ELFN1: variants seen among roughly 807,000 people sequenced by gnomAD.
The protein encoded by ELFN1 is protein ELFN1.
ELFN1 carries 6 observed loss-of-function variants against 7.6 expected under a neutral mutation model. The observed-to-expected ratio is 0.79, with a 90% CI of 0.43 to 1.56. The LOEUF (loss-of-function observed/expected upper bound fraction) is 1.56, where lower values mean the gene tolerates loss of function less well. ELFN1 is among the 40% of genes most tolerant of loss of function. ELFN1 has a pLI of 0.01. For missense variants in ELFN1, 1,169 were observed against 1,232.2 expected (o/e 0.95, Z 0.77); for synonymous variants, 657 against 588.1 (o/e 1.12, Z -1.70).
Position 1,745,314 on chromosome 7 carries a change from C to T in ELFN1, c.718C>T (p.Arg240Cys), listed in dbSNP as rs1319328325. 17 of 1,539,020 alleles carry T rather than the reference C, an allele frequency of 1.1e-5. No individual in the cohort carries two copies. The highest frequency in any genetic ancestry group is 7.0e-6 in the Non-Finnish European group (8 of 1,146,780). Residue 240 changes from arginine to cysteine, a missense_variant, in exon 4 of 4, where the codon CGC (arginine) becomes TGC (cysteine). Physicochemically the swap from Arg to Cys is radical, Grantham distance 180. Transcript: ENST00000424383. ...YLLGQGRRGH[R>C]SILSKLQSVC... ...CCTGGGCCAGGGCCGCCGCGGCCAC[C>T]GCAGCATCCTCAGCAAACTGCAGTC...
chr7:1,705,211 G>A lies in ELFN1; in HGVS notation c.-455-3880G>A, dbSNP rs901151204. 6.6e-6 allele frequency among the ~76,000 whole-genome samples: 1 copy of A among 152,154 alleles called. No homozygotes were observed. The highest frequency in any genetic ancestry group is 2.4e-5 in the African/African-American group (1 of 41,440). ...GTGCAGGGTGGCAGGGACCCTGGGC[G>A]GGGCGGCACAGCTGTGCGGGAGGCT... On this transcript the variant is annotated intron_variant, in intron 2 of 3. Coordinates refer to ENST00000424383, the MANE Select transcript of ELFN1 (RefSeq NM_001128636.4). This position sits in a 1 kb window ranked among gnomAD's most constrained non-coding sequence, Gnocchi z 4.3.
intron 3 of ELFN1, among the ~76,000 whole-genome samples, chr7:1,724,646 G>C (rs1780130596): frequency 6.6e-6 from 1 of 152,154 alleles, no homozygotes; most frequent in Admixed American, 6.5e-5. Flanking sequence ...CCCTTTGAGG[G>C]ACTCAAGCAT....
At chr7:1,666,117 C>T (rs539026616), upstream of ELFN1, among the ~76,000 whole-genome samples, 113 of 152,108 alleles carry the variant, frequency 7.4e-4, 2 homozygotes, top group East Asian at 0.021. This position sits in a 1 kb window ranked among gnomAD's most constrained non-coding sequence, Gnocchi z 7.9. Flanking sequence ...GGGGTGCGCG[C>T]GCTCTGCTCG....
At chr7:1,713,757 G>A (rs903857763) in intron 3 of ELFN1, among the ~76,000 whole-genome samples, 2 of 152,168 alleles carry the variant, frequency 1.3e-5, no homozygotes, top group African/African-American at 4.8e-5. Flanking sequence ...GGGGAGGGGG[G>A]GGCGATGTCC....
At chr7:1,684,715 A>C (rs1779034475) in intron 1 of ELFN1, among the ~76,000 whole-genome samples, 1 of 152,172 alleles carries the variant, frequency 6.6e-6, no homozygotes, top group African/African-American at 2.4e-5. Context: ...ATTATGGTAA[A>C]ATATAGAAAC....
intron 3 of ELFN1, among the ~76,000 whole-genome samples, chr7:1,716,721 C>T (rs1779843781): frequency 6.6e-6 from 1 of 152,226 alleles, no homozygotes; most frequent in Admixed American, 6.5e-5. Flanking sequence ...GGACTGCAGC[C>T]GCACTCCCCC....
intron 3 of ELFN1, among the ~76,000 whole-genome samples, chr7:1,737,380 G>A (rs901218976): frequency 1.3e-5 from 2 of 152,132 alleles, no homozygotes; most frequent in African/African-American, 4.8e-5. Context: ...CCTGCTCCGG[G>A]TCTCGGGGGC....
At chr7:1,706,774 G>A (rs1224661116) in intron 2 of ELFN1, among the ~76,000 whole-genome samples, 2 of 152,240 alleles carry the variant, frequency 1.3e-5, no homozygotes, top group African/African-American at 4.8e-5. Context: ...GGGTGGATGA[G>A]TGGGCCCCTG....
In ELFN1 at chr7:1,744,590, G is replaced by A. The variant is rs534524610; in HGVS notation, c.-7G>A. 4.7e-5 allele frequency: 70 copies of A among 1,503,682 alleles called. 1 individual carries two copies. The highest frequency in any genetic ancestry group is 3.6e-4 in the South Asian group (27 of 75,228). The allele number at this position is 1,503,682 out of a possible 1,614,324, so 93.1% of individuals were successfully genotyped here. A position where few individuals can be genotyped will look rare whatever the true frequency, so the allele number is the denominator to read the frequency against. The stretch of plus-strand genomic sequence containing the variant: ...GCTGAATTGGGGCTCCCTGCAGGGC[G>A]GTCCCGATGGCCGGGCGTGGGTGGG... On this transcript the variant is annotated 5_prime_UTR_variant, in exon 4 of 4. Coordinates refer to ENST00000424383, the MANE Select transcript of ELFN1 (RefSeq NM_001128636.4).
intron 3 of ELFN1, among the ~76,000 whole-genome samples, chr7:1,734,316 A>G (rs1046144697): frequency 6.6e-6 from 1 of 152,158 alleles, no homozygotes; most frequent in Admixed American, 6.5e-5. Flanking sequence ...CCAGCGCCGG[A>G]GCAGGGAACC....
In ELFN1 at chr7:1,744,510, C is replaced by T; in HGVS notation, c.-87C>T. On this transcript the variant is annotated 5_prime_UTR_variant, in exon 4 of 4. Coordinates refer to ENST00000424383, the MANE Select transcript of ELFN1 (RefSeq NM_001128636.4). ...GAGTGCAGGCACCTCCCCCTCCCGCCCCTCCATCCCTCTGGGGGCTGGCGC... is the reference window on the plus strand; with the variant it reads ...GAGTGCAGGCACCTCCCCCTCCCGCTCCTCCATCCCTCTGGGGGCTGGCGC... The T allele has an allele frequency of 1.4e-6, 2 of 1,381,678 alleles. No individual in the cohort carries two copies. Among genetic ancestry groups the T allele is most frequent in the Admixed American group, 6.1e-5 (2 of 32,904 alleles). The allele number at this position is 1,381,678 out of a possible 1,614,324, so 85.6% of individuals were successfully genotyped here.
chr7:1,725,571 A>G (rs939599556), intron 3 of ELFN1, among the ~76,000 whole-genome samples: 4 of 152,160 alleles, frequency 2.6e-5, no homozygotes, highest in African/African-American at 7.2e-5. Context: ...GGGTGCACTC[A>G]CACCCCAGTT....
At chr7:1,702,646 A>T (rs1279498980) in intron 2 of ELFN1, among the ~76,000 whole-genome samples, 1 of 151,290 alleles carries the variant, frequency 6.6e-6, no homozygotes, top group Non-Finnish European at 1.5e-5. Flanking sequence ...TATTCATTAC[A>T]GACATATAGA....
At chr7:1,684,701 A>G (rs1453282169) in intron 1 of ELFN1, among the ~76,000 whole-genome samples, 2 of 152,192 alleles carry the variant, frequency 1.3e-5, no homozygotes, top group Non-Finnish European at 2.9e-5. Flanking sequence ...CATTAATACT[A>G]ACAATTATGG....
intron 2 of ELFN1, among the ~76,000 whole-genome samples, chr7:1,703,422 C>T (rs1365028075): frequency 6.6e-6 from 1 of 152,124 alleles, no homozygotes; most frequent in Non-Finnish European, 1.5e-5. Context: ...AATTTATTCT[C>T]TTCCTTCTGA....
intron 1 of ELFN1, among the ~76,000 whole-genome samples, chr7:1,685,480 GCA>G (rs1431970427): frequency 2.0e-5 from 3 of 152,170 alleles, no homozygotes; most frequent in South Asian, 4.1e-4. Flanking sequence ...TATGTCAGAG[GCA>G]CAGTTTATTT....
At chr7:1,683,251 A>G (rs938868179) in intron 1 of ELFN1, among the ~76,000 whole-genome samples, 1 of 152,040 alleles carries the variant, frequency 6.6e-6, no homozygotes, top group Non-Finnish European at 1.5e-5. Context: ...CACTAAAGTC[A>G]TAGGGGCCTG....
At chr7:1,741,694 C>A (rs1336590497) in intron 3 of ELFN1, among the ~76,000 whole-genome samples, 21 of 152,166 alleles carry the variant, frequency 1.4e-4, no homozygotes, top group Non-Finnish European at 3.1e-4. Context: ...ACACTTAGAG[C>A]GTGTTTCCTG....
At chr7:1,719,912 C>G (rs1202150531) in intron 3 of ELFN1, among the ~76,000 whole-genome samples, 1 of 150,470 alleles carries the variant, frequency 6.6e-6, no homozygotes, top group East Asian at 2.0e-4. Flanking sequence ...CTCTGCAAAC[C>G]CTCCCCCACC....
Sources: gnomAD v4.1 joint callset for allele counts (sites outside exome capture counted in the v4.1 genomes callset) on GRCh38, gnomAD v4.1.1 for gene constraint, Gnocchi (gnomAD v3.1) non-coding constraint, MANE v1.5 for transcripts, NCBI Gene and HGNC (gene_info 2026-07-23, HGNC 2026-07-21) for gene names.